Variants in KIAA2012 observed in about 807,000 individuals in gnomAD.
KIAA2012 encodes KIAA2012, also known as uncharacterized protein KIAA2012.
Under a neutral mutation model 150.6 loss-of-function variants are expected in KIAA2012, and 125 were observed. The ratio of observed to expected loss-of-function variants is 0.83; its 90% CI spans 0.72 to 0.96. The LOEUF is 0.96. Ranked by LOEUF, KIAA2012 falls within the 40% of genes least tolerant of loss-of-function variation. The probability of loss-of-function intolerance (pLI) is 0.00; values close to 1 mark genes in which losing one functional copy is unlikely to be tolerated. For missense variants in KIAA2012, 1,219 were observed against 1,354.9 expected (o/e 0.90, Z 1.57); for synonymous variants, 462 against 504.7 (o/e 0.92, Z 1.13).
rs1176456874 is a variant in KIAA2012 at position 202,176,625 on chromosome 2, C to T, written c.2120-8128C>T. Reference sequence around the variant, plus strand: ...CAAAGCATTAGTAACCAAAATGCAGCAGCATTTCTTCCCTCTACAAATAGG... The same window carrying T: ...CAAAGCATTAGTAACCAAAATGCAGTAGCATTTCTTCCCTCTACAAATAGG... On this transcript the variant is annotated intron_variant, in intron 15 of 23. Coordinates refer to ENST00000498697, the MANE Select transcript of KIAA2012 (RefSeq NM_001277372.4). 2.6e-5 allele frequency among the ~76,000 whole-genome samples: 4 copies of T among 152,170 alleles called. No homozygotes were observed. The East Asian group carries it at 7.7e-4, about 29-fold the overall frequency.
chr2:202,089,813 T>G (rs1255374427), intron 2 of KIAA2012, among the ~76,000 whole-genome samples: 3 of 152,224 alleles, frequency 2.0e-5, no homozygotes, highest in Non-Finnish European at 2.9e-5. Context: ...CCTGGGTGGA[T>G]GAAAATGTTC....
intron 2 of KIAA2012, among the ~76,000 whole-genome samples, chr2:202,075,711 T>C (rs1029537615): frequency 6.6e-6 from 1 of 152,252 alleles, no homozygotes; most frequent in Admixed American, 6.5e-5. Context: ...CTTCCTAATG[T>C]CTTGTGAGAT....
intron 15 of KIAA2012, among the ~76,000 whole-genome samples, chr2:202,169,793 A>C (rs1316272558): frequency 6.6e-6 from 1 of 152,208 alleles, no homozygotes; most frequent in African/African-American, 2.4e-5. Flanking sequence ...TCATCGAGGA[A>C]ACTGGGTTTC....
At chr2:202,074,815 G>A (rs1249530072) in intron 1 of KIAA2012, 76 bp from the exon 2 acceptor site, 2 of 1,417,084 alleles carry the variant, frequency 1.4e-6, no homozygotes, top group Non-Finnish European at 1.9e-6. Flanking sequence ...AAATGCCGAA[G>A]GCTTTGCACA....
intron 5 of KIAA2012, among the ~76,000 whole-genome samples, chr2:202,098,471 T>C (rs927074554): frequency 2.0e-5 from 3 of 152,232 alleles, no homozygotes; most frequent in Non-Finnish European, 4.4e-5. Context: ...TTGGAGAAGT[T>C]CTATAACATA....
At chr2:202,197,277 G>C (rs1574318711) in intron 22 of KIAA2012, 1 of 545,246 alleles carries the variant, frequency 1.8e-6, no homozygotes, top group Non-Finnish European at 3.2e-6. Flanking sequence ...GATGAAAAAA[G>C]CAAGTCCCAA....
At chr2:202,180,453 T>C (rs1420388775) in intron 15 of KIAA2012, among the ~76,000 whole-genome samples, 2 of 152,188 alleles carry the variant, frequency 1.3e-5, no homozygotes, top group Non-Finnish European at 2.9e-5. Flanking sequence ...TAAATCCTGA[T>C]AAACTGCTAA....
chr2:202,131,952 G>A (rs1690941860), intron 12 of KIAA2012, among the ~76,000 whole-genome samples: 1 of 152,124 alleles, frequency 6.6e-6, no homozygotes. Flanking sequence ...GAGGCAGGCA[G>A]ATCACCTGAG....
At chr2:202,192,271 T>C (rs1388577489) in intron 19 of KIAA2012, among the ~76,000 whole-genome samples, 3 of 152,180 alleles carry the variant, frequency 2.0e-5, no homozygotes, top group Non-Finnish European at 4.4e-5. Flanking sequence ...CCTAGAAGGC[T>C]TGCCTCTCAA....
At chr2:202,200,398 A>AAAT (rs558347634) in intron 22 of KIAA2012, among the ~76,000 whole-genome samples, 75 of 152,222 alleles carry the variant, frequency 4.9e-4, no homozygotes, top group African/African-American at 1.8e-3. Flanking sequence ...TTGCCTGAGG[A>AAAT]AATACGAAAG....
intron 15 of KIAA2012, among the ~76,000 whole-genome samples, chr2:202,167,943 T>C (rs768831311): frequency 2.0e-5 from 3 of 150,916 alleles, no homozygotes; most frequent in Non-Finnish European, 4.5e-5. Context: ...GTACTGATTA[T>C]GTAGTCTGAT....
intron 15 of KIAA2012, among the ~76,000 whole-genome samples, chr2:202,166,714 G>A (rs1208531885): frequency 6.6e-6 from 1 of 151,784 alleles, no homozygotes; most frequent in Non-Finnish European, 1.5e-5. Context: ...AGGTCTTAAG[G>A]CTAATTACCA....
At chr2:202,163,803 TTTTTTCC>T (rs761729868) in intron 14 of KIAA2012, among the ~76,000 whole-genome samples, 2 of 95,054 alleles carry the variant, frequency 2.1e-5, no homozygotes, top group African/African-American at 9.5e-5. Flanking sequence ...TTTTTTTTTT[TTTTTTCC>T]TGTACCAGGC....
chr2:202,073,505 A>G lies in KIAA2012; in HGVS notation c.-123A>G. On this transcript the variant is annotated 5_prime_UTR_variant, in exon 1 of 24. Transcript: ENST00000498697. ...CGAGAGGGAAAAATGTATTTAATAA[A>G]AGGCCCTGTGTTTGTGGTCTTCTTG... 1.4e-6 allele frequency: 1 copy of G among 724,520 alleles called. No individual in the cohort carries two copies. The allele number at this position is 724,520 out of a possible 1,614,324, so 44.9% of individuals were successfully genotyped here.
At position 202,073,429 on chromosome 2, in the gene KIAA2012, A is replaced by G. The variant is rs1689250474; in HGVS notation, c.-199A>G. 5.8e-6 allele frequency: 3 copies of G among 517,246 alleles called. No individual in the cohort carries two copies. The Admixed American group carries it at 9.5e-5, about 16-fold the overall frequency. 32.0% of individuals were successfully genotyped at this position (517,246 alleles called of 1,614,324 possible). On this transcript the variant is annotated 5_prime_UTR_variant, in exon 1 of 24. Coordinates refer to ENST00000498697, the MANE Select transcript of KIAA2012 (RefSeq NM_001277372.4). ...GTGCGGTTTATTTTTTCTCTCCACA[A>G]AGACACACACTGTCTAAACTGTGTG...
chr2:202,158,882 T>C (rs1691592457), intron 14 of KIAA2012, among the ~76,000 whole-genome samples: 1 of 152,192 alleles, frequency 6.6e-6, no homozygotes, highest in South Asian at 2.1e-4. Flanking sequence ...TTGAATATCC[T>C]TATACTCCAC....
chr2:202,094,373 G>C lies in KIAA2012; in HGVS notation c.685+1188G>C, dbSNP rs760358270. The stretch of plus-strand genomic sequence containing the variant: ...AAATGATCCGGTCAGGATAAGTAGA[G>C]AATCTGGTTTATCAAATGAATGGAG... On this transcript the variant is annotated intron_variant, in intron 4 of 23. Coordinates refer to ENST00000498697, the MANE Select transcript of KIAA2012 (RefSeq NM_001277372.4). 4.3e-4 allele frequency among the ~76,000 whole-genome samples: 65 copies of C among 152,194 alleles called. 1 individual carries two copies. The highest frequency in any genetic ancestry group is 1.2e-4 in the Non-Finnish European group (8 of 68,034).
intron 23 of KIAA2012, among the ~76,000 whole-genome samples, chr2:202,203,833 G>A (rs1440094384): frequency 1.3e-5 from 2 of 150,180 alleles, no homozygotes; most frequent in South Asian, 4.2e-4. Context: ...GCAGTGGCAC[G>A]ATCTCGGCTC....
At position 202,205,097 on chromosome 2, in the gene KIAA2012, G is replaced by A. The variant is rs1692619034; in HGVS notation, c.*120G>A. 1 of 152,170 alleles carries A rather than the reference G, an allele frequency of 6.6e-6. No homozygotes were observed. The highest frequency in any genetic ancestry group is 1.5e-5 in the Non-Finnish European group (1 of 68,040). The allele number at this position is 152,170 out of a possible 1,614,324, so 9.4% of individuals were successfully genotyped here. On this transcript the variant is annotated 3_prime_UTR_variant, in exon 24 of 24. Coordinates refer to ENST00000498697, the MANE Select transcript of KIAA2012 (RefSeq NM_001277372.4). ...GATAATCTGTTAAAATTTTTGTTGT[G>A]AAATGCCTATTTTATCAGCACTGCT...
Sources: gnomAD v4.1 joint callset for allele counts (sites outside exome capture counted in the v4.1 genomes callset) on GRCh38, gnomAD v4.1.1 for gene constraint, MANE v1.5 for transcripts, NCBI Gene and HGNC (gene_info 2026-07-23, HGNC 2026-07-21) for gene names.